The following LEKR1 variants were observed in gnomAD, a reference collection of about 807,000 sequenced individuals.
LEKR1 encodes protein LEKR1.
Under a neutral mutation model 72.4 loss-of-function variants are expected in LEKR1, and 59 were observed. The observed-to-expected ratio is 0.82, with a 90% confidence interval of 0.66 to 1.01. The LOEUF (loss-of-function observed/expected upper bound fraction) is 1.01. Ranked by LOEUF, LEKR1 falls within the 50% of genes least tolerant of loss-of-function variation. The probability of loss-of-function intolerance (pLI) is 0.00; values close to 1 mark genes in which losing one functional copy is unlikely to be tolerated. For synonymous variants in LEKR1, 257 were observed against 263.2 expected, an observed-to-expected ratio of 0.98 and a Z score of 0.23; for missense variants, 728 against 759.2, an observed-to-expected ratio of 0.96 and a Z score of 0.48.
chr3:156,852,643 T>G (rs1715509483), intron 2 of LEKR1, 125 bp from the exon 3 acceptor site: 2 of 454,624 alleles, frequency 4.4e-6, no homozygotes, highest in East Asian at 6.5e-5. Flanking sequence ...AATGTCGTAA[T>G]TATTGCTCCA....
intron 4 of LEKR1, among the ~76,000 whole-genome samples, chr3:156,926,717 AC>A (rs895486342): frequency 1.3e-5 from 2 of 151,948 alleles, no homozygotes; most frequent in African/African-American, 4.8e-5. Context: ...TGCAGTAGGC[AC>A]TGTGCTAGAT....
intron 2 of LEKR1, among the ~76,000 whole-genome samples, chr3:156,851,562 G>C (rs1715366356): frequency 6.6e-6 from 1 of 152,046 alleles, no homozygotes; most frequent in Non-Finnish European, 1.5e-5. Flanking sequence ...ATTTTATATA[G>C]TGGCAAGTAG....
chr3:156,963,551 A>ACAT (rs1728304803), intron 6 of LEKR1, among the ~76,000 whole-genome samples: 4 of 152,090 alleles, frequency 2.6e-5, no homozygotes, highest in Admixed American at 2.6e-4. Context: ...AGCATCTCTA[A>ACAT]CATCTCTCTA....
intron 10 of LEKR1, among the ~76,000 whole-genome samples, chr3:157,021,518 T>C (rs1257169568): frequency 2.2e-4 from 33 of 152,192 alleles, no homozygotes; most frequent in Admixed American, 2.2e-3. Context: ...CTAATCTCCA[T>C]AATAATTTTT....
intron 3 of LEKR1, among the ~76,000 whole-genome samples, chr3:156,882,172 G>T (rs1259009646): frequency 1.3e-5 from 2 of 151,852 alleles, no homozygotes; most frequent in Non-Finnish European, 2.9e-5. Context: ...AAACTAAAGA[G>T]CTTCTGCACA....
intron 6 of LEKR1, among the ~76,000 whole-genome samples, chr3:156,946,009 T>C (rs1386240990): frequency 6.6e-6 from 1 of 151,472 alleles, no homozygotes; most frequent in Non-Finnish European, 1.5e-5. Flanking sequence ...ATTTTGATAG[T>C]GATTGCATTG....
Position 156,937,633 on chromosome 3 carries a change from A to G in LEKR1, c.560-4896A>G, listed in dbSNP as rs149086494. 3.4e-3 allele frequency among the ~76,000 whole-genome samples: 520 copies of G among 152,310 alleles called. 2 individuals carry two copies. The highest frequency in any genetic ancestry group is 0.012 in the African/African-American group (493 of 41,570). ...CATTTTCCTCTGAAACTGAAGATGC[A>G]CTTACCACATGACGCAACATTTGCA... On this transcript the variant is annotated intron_variant, in intron 5 of 12. Coordinates refer to ENST00000356539, the MANE Select transcript of LEKR1 (RefSeq NM_001004316.3).
chr3:156,974,417 A>T (rs954005420), intron 6 of LEKR1, among the ~76,000 whole-genome samples: 4 of 152,156 alleles, frequency 2.6e-5, no homozygotes, highest in Admixed American at 2.6e-4. Context: ...ATCATTCCCA[A>T]ATGAAAATGA....
intron 6 of LEKR1, among the ~76,000 whole-genome samples, chr3:156,953,839 G>T (rs1727386974): frequency 6.6e-6 from 1 of 151,840 alleles, no homozygotes; most frequent in Non-Finnish European, 1.5e-5. Flanking sequence ...ATGCATGCTT[G>T]TATTTTTATA....
At chr3:156,928,543 G>C (rs1294445025) in intron 5 of LEKR1, among the ~76,000 whole-genome samples, 1 of 152,000 alleles carries the variant, frequency 6.6e-6, no homozygotes, top group African/African-American at 2.4e-5. Flanking sequence ...CTGAGAGCAA[G>C]GTACAGTTTG....
chr3:156,997,083 T>C (rs1731642339), intron 9 of LEKR1, among the ~76,000 whole-genome samples: 1 of 151,400 alleles, frequency 6.6e-6, no homozygotes, highest in African/African-American at 2.4e-5. Context: ...AAAAAAAAGA[T>C]ATTCTGAAGA....
intron 3 of LEKR1, among the ~76,000 whole-genome samples, chr3:156,895,081 A>G (rs1183169024): frequency 6.6e-6 from 1 of 152,228 alleles, no homozygotes; most frequent in Non-Finnish European, 1.5e-5. Flanking sequence ...GTGAACTATC[A>G]TCACAGTGAA....
At chr3:156,854,179 T>G (rs1183680010) in intron 3 of LEKR1, among the ~76,000 whole-genome samples, 1 of 144,720 alleles carries the variant, frequency 6.9e-6, no homozygotes, top group Non-Finnish European at 1.5e-5. Context: ...AGTCTTGCTC[T>G]GTCACCAAGG....
At chr3:156,884,110 C>G (rs577203476) in intron 3 of LEKR1, among the ~76,000 whole-genome samples, 2 of 152,284 alleles carry the variant, frequency 1.3e-5, no homozygotes, top group East Asian at 3.9e-4. Flanking sequence ...CTTTTAGTTT[C>G]CATGTGCATG....
chr3:157,005,931 A>C (rs1322429590), intron 9 of LEKR1, among the ~76,000 whole-genome samples: 1 of 152,216 alleles, frequency 6.6e-6, no homozygotes, highest in Non-Finnish European at 1.5e-5. Context: ...TAAGCACATA[A>C]AGTGATGCTC....
intron 11 of LEKR1, among the ~76,000 whole-genome samples, chr3:157,027,122 C>A (rs942301277): frequency 5.9e-5 from 9 of 151,904 alleles, no homozygotes; most frequent in African/African-American, 2.2e-4. Context: ...ATAGTCAATA[C>A]TCTTTTTTGA....
At chr3:156,869,183 A>C (rs1462249059) in intron 3 of LEKR1, among the ~76,000 whole-genome samples, 1 of 152,056 alleles carries the variant, frequency 6.6e-6, no homozygotes, top group Non-Finnish European at 1.5e-5. Flanking sequence ...TCCCTTTGAT[A>C]TACTGATTTC....
chr3:157,017,060 A>G (rs1733398997), intron 10 of LEKR1, among the ~76,000 whole-genome samples: 1 of 152,236 alleles, frequency 6.6e-6, no homozygotes, highest in Non-Finnish European at 1.5e-5. Flanking sequence ...AATGGAAATG[A>G]TCTAAACCAG....
At chr3:157,042,165 C>T (rs140508637) in intron 12 of LEKR1, among the ~76,000 whole-genome samples, 323 of 152,338 alleles carry the variant, frequency 2.1e-3, no homozygotes, top group African/African-American at 7.4e-3. Context: ...GTTCACCTAA[C>T]ATTTCATAAT....
Sources: allele counts gnomAD v4.1 joint callset (sites outside exome capture counted in the v4.1 genomes callset), GRCh38; gene constraint gnomAD v4.1.1; transcripts MANE v1.5; gene names NCBI Gene and HGNC (gene_info 2026-07-23, HGNC 2026-07-21).